SIN3B: variants seen among roughly 807,000 people sequenced by gnomAD.
SIN3B encodes the protein SIN3 transcription regulator family member B.
In SIN3B, 19 loss-of-function variants were observed where a neutral mutation model predicts 120.2. The observed-to-expected ratio is 0.16, with a 90% CI of 0.11 to 0.23. The LOEUF (loss-of-function observed/expected upper bound fraction) is 0.23. Ranked by LOEUF, SIN3B falls within the 10% of genes least tolerant of loss-of-function variation. The pLI is 1.00. For synonymous variants in SIN3B, 654 were observed against 653.2 expected (o/e 1.00, Z -0.02); for missense variants, 1,073 against 1,573.0 (o/e 0.68, Z 5.38).
In SIN3B at chr19:16,862,891, AT is replaced by A. The variant is rs1298554372; in HGVS notation, c.1266+334del. ...CAGTGTGTTTCTGTTTAGCTTGACC[AT>A]TGGACACTTCTCCAGGGTTCGTGGA... On this transcript the variant is annotated intron_variant, in intron 9 of 18. Transcript: ENST00000248054. This position sits in a 1 kb window ranked among gnomAD's most constrained non-coding sequence, Gnocchi z 4.7. The A allele has an allele frequency of 3.1e-6, 5 of 1,613,962 alleles. No individual in the cohort carries two copies. The South Asian group carries it at 5.5e-5, about 18-fold the overall frequency.
At chr19:16,873,593 A>G (rs1165009348) in intron 14 of SIN3B, among the ~76,000 whole-genome samples, 1 of 141,894 alleles carries the variant, frequency 7.0e-6, no homozygotes, top group Non-Finnish European at 1.5e-5. Flanking sequence ...TTGTGACACC[A>G]GGAGATTGGA....
chr19:16,860,596 C>CTTTT (rs34628511), intron 8 of SIN3B, among the ~76,000 whole-genome samples: 12 of 131,802 alleles, frequency 9.1e-5, no homozygotes, highest in African/African-American at 1.5e-4. Flanking sequence ...GTAACTGCAA[C>CTTTT]TTTTTTTTTT....
intron 8 of SIN3B, chr19:16,855,679 C>G (rs1164836869): frequency 6.6e-6 from 1 of 152,182 alleles, no homozygotes; most frequent in Non-Finnish European, 1.5e-5. Flanking sequence ...TGAGATCACG[C>G]CATTGTACTC....
At chr19:16,832,191 C>CTTTTTTTT (rs10528185) in intron 3 of SIN3B, among the ~76,000 whole-genome samples, 48 of 125,418 alleles carry the variant, frequency 3.8e-4, no homozygotes, top group Non-Finnish European at 6.5e-4. Context: ...TGCTGGCCCT[C>CTTTTTTTT]TTTTTTTTTT....
At chr19:16,847,752 A>C (rs979423599) in intron 5 of SIN3B, among the ~76,000 whole-genome samples, 1 of 152,198 alleles carries the variant, frequency 6.6e-6, no homozygotes, top group African/African-American at 2.4e-5. Flanking sequence ...TTAAAAATTG[A>C]AGTGAAATTT....
intron 9 of SIN3B, 37 bp from the exon 10 acceptor site, chr19:16,863,643 C>A: frequency 7.5e-7 from 1 of 1,341,686 alleles, no homozygotes; most frequent in Non-Finnish European, 1.1e-6. Flanking sequence ...GCTCCTGGGG[C>A]ATGCAGCGTC....
At chr19:16,872,626 TAG>T (rs2051526822) in intron 14 of SIN3B, 1 of 152,132 alleles carries the variant, frequency 6.6e-6, no homozygotes, top group Non-Finnish European at 1.5e-5. Context: ...GTATTTTTAG[TAG>T]AGAGGGGGTT....
intron 5 of SIN3B, among the ~76,000 whole-genome samples, chr19:16,847,714 T>G (rs1298613272): frequency 6.6e-6 from 1 of 152,234 alleles, no homozygotes; most frequent in Non-Finnish European, 1.5e-5. Context: ...ATTCCTCTTT[T>G]TTCCCCCACT....
At chr19:16,853,828 A>G (rs572793712) in intron 7 of SIN3B, among the ~76,000 whole-genome samples, 1 of 150,402 alleles carries the variant, frequency 6.6e-6, no homozygotes, top group Admixed American at 6.6e-5. Flanking sequence ...GGACGCGTGC[A>G]GGGACTGTGT....
At position 16,878,851 on chromosome 19, in the gene SIN3B, A is replaced by C; in HGVS notation, c.*124A>C. The C allele has an allele frequency of 1.1e-6, 1 of 892,912 alleles. No homozygotes were observed. Among genetic ancestry groups the C allele is most frequent in the Non-Finnish European group, 1.7e-6 (1 of 592,946 alleles). The allele number at this position is 892,912 out of a possible 1,614,324, so 55.3% of individuals were successfully genotyped here. A position where few individuals can be genotyped will look rare whatever the true frequency, so the allele number is the denominator to read the frequency against. On this transcript the variant is annotated 3_prime_UTR_variant, in exon 19 of 19. Transcript: ENST00000248054. ...TCTCCCAGCCCCTCTGCTGCCGGACAGCGCACTCCAGGGCAGGACGCCGCC... is the reference window on the plus strand; with the variant it reads ...TCTCCCAGCCCCTCTGCTGCCGGACCGCGCACTCCAGGGCAGGACGCCGCC...
At position 16,880,163 on chromosome 19, in the gene SIN3B, G is replaced by A. The variant is rs10423; in HGVS notation, c.*1436G>A. On this transcript the variant is annotated 3_prime_UTR_variant, in exon 19 of 19. Coordinates refer to ENST00000248054, the MANE Select transcript of SIN3B (RefSeq NM_001297595.2). ...TCTCGGGCAGAGCCACCTGGGCCCCGGGTGCAGCCGGAGACCCCGCCGAGC... is the reference window on the plus strand; with the variant it reads ...TCTCGGGCAGAGCCACCTGGGCCCCAGGTGCAGCCGGAGACCCCGCCGAGC... 0.079 allele frequency: 11,971 copies of A among 152,214 alleles called. 910 individuals carry two copies. Among genetic ancestry groups the A allele is most frequent in the African/African-American group, 0.19 (8,016 of 41,476 alleles). 9.4% of individuals were successfully genotyped at this position (152,214 alleles called of 1,614,324 possible). A position where few individuals can be genotyped will look rare whatever the true frequency, so the allele number is the denominator to read the frequency against.
In SIN3B at chr19:16,837,447, A is replaced by G. The variant is rs1971362397; in HGVS notation, c.382-4321A>G. 2.6e-5 allele frequency among the ~76,000 whole-genome samples: 4 copies of G among 151,342 alleles called. No individual in the cohort carries two copies. The South Asian group carries it at 8.3e-4, about 32-fold the overall frequency. ...TGACAAGGACCAGAGACAATTCCCA[A>G]GTGATGAGGACAGAATGGATGGTAA... On this transcript the variant is annotated intron_variant, in intron 3 of 18. Transcript: ENST00000248054.
intron 16 of SIN3B, chr19:16,877,049 G>T (rs570919877): frequency 5.1e-6 from 1 of 195,614 alleles, no homozygotes; most frequent in East Asian, 1.5e-4. Flanking sequence ...TGTGTCCCCA[G>T]GGTGGTCATT....
chr19:16,835,259 C>T (rs572876269), intron 3 of SIN3B, among the ~76,000 whole-genome samples: 14 of 140,806 alleles, frequency 9.9e-5, no homozygotes, highest in South Asian at 6.8e-4. Context: ...GACAGAGTCT[C>T]GCTGTGTTGC....
At chr19:16,853,874 T>C (rs1396742996) in intron 7 of SIN3B, among the ~76,000 whole-genome samples, 1 of 151,296 alleles carries the variant, frequency 6.6e-6, no homozygotes, top group Non-Finnish European at 1.5e-5. Flanking sequence ...GGGCTGTGAA[T>C]TGCTGCATGG....
chr19:16,862,768 A>G lies in SIN3B; in HGVS notation c.1266+209A>G. Reference sequence around the variant, plus strand: ...CCTGCTGGTAGTTTTGGCAAAACACAGAGTGCCAGGGATAACGTGGAGTTC... The same window carrying G: ...CCTGCTGGTAGTTTTGGCAAAACACGGAGTGCCAGGGATAACGTGGAGTTC... On this transcript the variant is annotated intron_variant, in intron 9 of 18. Transcript: ENST00000248054. The surrounding 1 kb of genome is among the most constrained non-coding windows in gnomAD (Gnocchi z 4.7). 2 of 1,046,226 alleles carry G rather than the reference A, an allele frequency of 1.9e-6. No individual in the cohort carries two copies. The highest frequency in any genetic ancestry group is 2.9e-6 in the Non-Finnish European group (2 of 681,258). 64.8% of individuals were successfully genotyped at this position (1,046,226 alleles called of 1,614,324 possible).
At chr19:16,877,518 A>G in intron 16 of SIN3B, 27 bp from the exon 17 acceptor site, 1 of 1,549,140 alleles carries the variant, frequency 6.5e-7, no homozygotes, top group East Asian at 2.3e-5. Context: ...TAGGGGCATC[A>G]CGGGCTGTGT....
In SIN3B at chr19:16,879,372, C is replaced by T. The variant is rs2051662385; in HGVS notation, c.*645C>T. On this transcript the variant is annotated 3_prime_UTR_variant, in exon 19 of 19. Transcript: ENST00000248054. Reference sequence around the variant, plus strand: ...CAGGCGGGCAGTGCCCTGGGAGACCCCGCTCTGGATAAGACACCCAACCCC... The same window carrying T: ...CAGGCGGGCAGTGCCCTGGGAGACCTCGCTCTGGATAAGACACCCAACCCC... 2 of 152,392 alleles carry T rather than the reference C, an allele frequency of 1.3e-5. No homozygotes were observed. Among genetic ancestry groups the T allele is most frequent in the Admixed American group, 1.3e-4 (2 of 15,290 alleles). 9.4% of individuals were successfully genotyped at this position (152,392 alleles called of 1,614,324 possible). A position where few individuals can be genotyped will look rare whatever the true frequency, so the allele number is the denominator to read the frequency against.
At chr19:16,871,490 G>A in intron 14 of SIN3B, 92 bp downstream of exon 14, 2 of 1,235,164 alleles carry the variant, frequency 1.6e-6, no homozygotes, top group South Asian at 3.0e-5. Flanking sequence ...CCCGTGGTCA[G>A]CACAGCAAAC....
Sources: allele counts gnomAD v4.1 joint callset (sites outside exome capture counted in the v4.1 genomes callset), GRCh38; gene constraint gnomAD v4.1.1; non-coding constraint Gnocchi (gnomAD v3.1); transcripts MANE v1.5; gene names NCBI Gene and HGNC (gene_info 2026-07-23, HGNC 2026-07-21).